FBXW7: variants seen among roughly 807,000 people sequenced by gnomAD.
The protein encoded by FBXW7 is F-box/WD repeat-containing protein 7.
FBXW7 carries 11 observed loss-of-function variants against 86.3 expected under a neutral mutation model. That is an observed-to-expected ratio of 0.13 (90% CI 0.08 to 0.21). FBXW7 has a LOEUF of 0.21. FBXW7 is among the 10% of genes least tolerant of loss of function. FBXW7 has a pLI of 1.00. For missense variants in FBXW7, 488 were observed against 847.4 expected, an observed-to-expected ratio of 0.58 and a Z score of 5.27; for synonymous variants, 313 against 297.9, an observed-to-expected ratio of 1.05 and a Z score of -0.52.
At chr4:152,472,651 A>G (rs1250518950) in intron 2 of FBXW7, among the ~76,000 whole-genome samples, 1 of 152,222 alleles carries the variant, frequency 6.6e-6, no homozygotes, top group Non-Finnish European at 1.5e-5. Flanking sequence ...AAGGAATATG[A>G]CAGATACAGG....
intron 4 of FBXW7, among the ~76,000 whole-genome samples, chr4:152,374,772 C>G (rs952015715): frequency 1.3e-5 from 2 of 151,784 alleles, no homozygotes; most frequent in Non-Finnish European, 2.9e-5. Context: ...TGGATGAAAC[C>G]AGTGCCAGAA....
At chr4:152,362,094 T>C (rs1190783080) in intron 4 of FBXW7, among the ~76,000 whole-genome samples, 1 of 152,104 alleles carries the variant, frequency 6.6e-6, no homozygotes, top group Admixed American at 6.6e-5. Flanking sequence ...TTCCCACCAG[T>C]TGCATGAAGG....
At chr4:152,406,422 T>A (rs1737431366) in intron 4 of FBXW7, among the ~76,000 whole-genome samples, 1 of 152,140 alleles carries the variant, frequency 6.6e-6, no homozygotes, top group African/African-American at 2.4e-5. Context: ...GTCTCTTAAA[T>A]AATTAATAAT....
chr4:152,384,272 A>G (rs1394083274), intron 4 of FBXW7, among the ~76,000 whole-genome samples: 1 of 152,174 alleles, frequency 6.6e-6, no homozygotes, highest in African/African-American at 2.4e-5. Flanking sequence ...CAAAAGGTAG[A>G]AGCAACTCAA....
intron 2 of FBXW7, among the ~76,000 whole-genome samples, chr4:152,426,369 T>A (rs1739379765): frequency 6.6e-6 from 1 of 151,234 alleles, no homozygotes; most frequent in Non-Finnish European, 1.5e-5. Context: ...TTTTTTTTTT[T>A]TAAACAGTCT....
At chr4:152,454,159 A>C (rs775334847) in intron 2 of FBXW7, among the ~76,000 whole-genome samples, 5 of 151,994 alleles carry the variant, frequency 3.3e-5, no homozygotes, top group Non-Finnish European at 7.4e-5. Flanking sequence ...TTTTCTAGTT[A>C]ATTTGATCTA....
intron 2 of FBXW7, among the ~76,000 whole-genome samples, chr4:152,460,767 C>A (rs889915758): frequency 9.9e-5 from 15 of 152,094 alleles, no homozygotes; most frequent in African/African-American, 3.6e-4. Context: ...TTGAAGTTTG[C>A]TGAGCTTCCT....
chr4:152,508,674 A>G (rs966092840), intron 2 of FBXW7, among the ~76,000 whole-genome samples: 9 of 151,966 alleles, frequency 5.9e-5, no homozygotes, highest in Admixed American at 6.6e-5. Flanking sequence ...AAAGAAAAAA[A>G]AAACAGCAAG....
At chr4:152,416,998 T>C (rs940884839) in intron 2 of FBXW7, among the ~76,000 whole-genome samples, 3 of 152,120 alleles carry the variant, frequency 2.0e-5, no homozygotes, top group Admixed American at 2.0e-4. Flanking sequence ...TCTTTACAAC[T>C]CTCTCCTGTC....
intron 2 of FBXW7, among the ~76,000 whole-genome samples, chr4:152,418,720 A>G (rs1738670539): frequency 1.3e-5 from 2 of 152,166 alleles, no homozygotes; most frequent in Admixed American, 1.3e-4. Flanking sequence ...CTCACAGAAA[A>G]ACAGTGAACA....
At chr4:152,338,139 A>G in intron 6 of FBXW7, 1 of 379,094 alleles carries the variant, frequency 2.6e-6, no homozygotes, top group Non-Finnish European at 4.7e-6. Context: ...TTATTTCGTA[A>G]AAGGTTAAAA....
chr4:152,523,572 G>A (rs939972957), intron 2 of FBXW7, among the ~76,000 whole-genome samples: 3 of 152,110 alleles, frequency 2.0e-5, no homozygotes, highest in Non-Finnish European at 2.9e-5. Context: ...GCCAATTTAA[G>A]TAGTAAGTCA....
intron 6 of FBXW7, among the ~76,000 whole-genome samples, chr4:152,342,582 G>T (rs1730854681): frequency 6.6e-6 from 1 of 152,182 alleles, no homozygotes; most frequent in East Asian, 1.9e-4. Context: ...ACTGTTTTAT[G>T]ACCTTGGGTA....
intron 4 of FBXW7, among the ~76,000 whole-genome samples, chr4:152,356,086 T>C (rs907799077): frequency 2.6e-5 from 4 of 152,100 alleles, no homozygotes; most frequent in African/African-American, 9.7e-5. Flanking sequence ...GTACTTTACC[T>C]CACCTTGACT....
intron 4 of FBXW7, among the ~76,000 whole-genome samples, chr4:152,387,728 A>G (rs1735660725): frequency 3.3e-5 from 1 of 30,212 alleles, no homozygotes; most frequent in Non-Finnish European, 6.3e-5. Context: ...TTTTTTTTTG[A>G]GACTGAGTCT....
intron 2 of FBXW7, among the ~76,000 whole-genome samples, chr4:152,441,107 T>C (rs772039922): frequency 7.9e-5 from 12 of 152,160 alleles, no homozygotes; most frequent in African/African-American, 1.2e-4. Flanking sequence ...CTACATAGAA[T>C]GTATATTCAG....
intron 2 of FBXW7, among the ~76,000 whole-genome samples, chr4:152,493,040 C>A (rs1201489845): frequency 6.6e-6 from 1 of 151,340 alleles, no homozygotes; most frequent in African/African-American, 2.4e-5. Flanking sequence ...ACCAAAGGAC[C>A]AAGACTCAAG....
chr4:152,323,367 T>C, intron 13 of FBXW7: 1 of 603,384 alleles, frequency 1.7e-6, no homozygotes, highest in Non-Finnish European at 2.8e-6. Flanking sequence ...TCAAGAGGTC[T>C]GTCTTCCAAG....
intron 2 of FBXW7, among the ~76,000 whole-genome samples, chr4:152,531,784 CCTT>C (rs1750044822): frequency 6.6e-6 from 1 of 151,934 alleles, no homozygotes; most frequent in Admixed American, 6.6e-5. Flanking sequence ...ACAAATCTGT[CCTT>C]CTATTTATAA....
Sources: gnomAD v4.1 joint callset for allele counts (sites outside exome capture counted in the v4.1 genomes callset) on GRCh38, gnomAD v4.1.1 for gene constraint, MANE v1.5 for transcripts, NCBI Gene and HGNC (gene_info 2026-07-23, HGNC 2026-07-21) for gene names.